NCALD: variants seen among roughly 807,000 people sequenced by gnomAD.
The protein encoded by NCALD is neurocalcin-delta.
Under a neutral mutation model 18.6 loss-of-function variants are expected in NCALD, and 10 were observed. That is an observed-to-expected ratio of 0.54 (90% CI 0.33 to 0.91). The LOEUF (loss-of-function observed/expected upper bound fraction) is 0.91. Ranked by LOEUF, NCALD falls within the 40% of genes least tolerant of loss-of-function variation. The probability of loss-of-function intolerance (pLI) is 0.03; values close to 1 mark genes in which losing one functional copy is unlikely to be tolerated. For missense variants in NCALD, 184 were observed against 247.6 expected, an observed-to-expected ratio of 0.74 and a Z score of 1.72; for synonymous variants, 88 against 87.4, an observed-to-expected ratio of 1.01 and a Z score of -0.04.
chr8:101,730,479 C>CAAAAAAAAAAAAA (rs869241027), intron 1 of NCALD, among the ~76,000 whole-genome samples: 3 of 43,668 alleles, frequency 6.9e-5, no homozygotes, highest in African/African-American at 1.7e-4. Context: ...GACTCCATCT[C>CAAAAAAAAAAAAA]AAAAAAAAAA....
At chr8:101,933,714 T>C (rs1309334449) in intron 2 of NCALD, among the ~76,000 whole-genome samples, 3 of 152,106 alleles carry the variant, frequency 2.0e-5, no homozygotes, top group Non-Finnish European at 4.4e-5. Flanking sequence ...TCCTCATCGA[T>C]CCTAAAGGAC....
At chr8:102,103,158 G>A (rs1272444001) in intron 1 of NCALD, among the ~76,000 whole-genome samples, 2 of 152,048 alleles carry the variant, frequency 1.3e-5, no homozygotes, top group Admixed American at 6.6e-5. Flanking sequence ...TCAGCTCCAC[G>A]CCAACCTCCC....
chr8:101,837,823 TTGTA>T (rs1814475515), intron 4 of NCALD, among the ~76,000 whole-genome samples: 1 of 152,124 alleles, frequency 6.6e-6, no homozygotes, highest in South Asian at 2.1e-4. Flanking sequence ...GATGAAAAGG[TTGTA>T]GGAATTTCAA....
chr8:101,737,425 T>A (rs1809972360), intron 1 of NCALD, among the ~76,000 whole-genome samples: 1 of 152,202 alleles, frequency 6.6e-6, no homozygotes, highest in African/African-American at 2.4e-5. Context: ...CCTGTTCAAG[T>A]CATGTCCTTT....
intron 2 of NCALD, among the ~76,000 whole-genome samples, chr8:101,969,110 C>T (rs1439555263): frequency 2.0e-5 from 3 of 152,154 alleles, no homozygotes; most frequent in Admixed American, 6.5e-5. Flanking sequence ...AGGGCTGAGC[C>T]GAGCACACCA....
At chr8:101,740,546 T>C (rs2130687841) in intron 1 of NCALD, among the ~76,000 whole-genome samples, 1 of 152,338 alleles carries the variant, frequency 6.6e-6, no homozygotes, top group Non-Finnish European at 1.5e-5. Flanking sequence ...TCAGAAAGGA[T>C]GTGTGTATAT....
chr8:102,007,894 G>C (rs1481855262), intron 2 of NCALD, among the ~76,000 whole-genome samples: 1 of 152,122 alleles, frequency 6.6e-6, no homozygotes, highest in East Asian at 1.9e-4. Context: ...AGTACACTTT[G>C]AGCTCCCTGA....
intron 2 of NCALD, among the ~76,000 whole-genome samples, chr8:101,921,790 A>G (rs965881458): frequency 6.6e-6 from 1 of 152,194 alleles, no homozygotes; most frequent in African/African-American, 2.4e-5. Context: ...GTACATTTTA[A>G]TAATATAGAT....
chr8:101,833,112 T>G (rs1179476014), intron 4 of NCALD, among the ~76,000 whole-genome samples: 1 of 152,208 alleles, frequency 6.6e-6, no homozygotes, highest in Non-Finnish European at 1.5e-5. Flanking sequence ...CAGCTTCCCC[T>G]TCTGGAAACT....
At chr8:101,784,354 G>GA (rs1812136470) in intron 1 of NCALD, among the ~76,000 whole-genome samples, 1 of 152,012 alleles carries the variant, frequency 6.6e-6, no homozygotes, top group African/African-American at 2.4e-5. Flanking sequence ...TAGCAAGAGA[G>GA]AAAAAAATTG....
At position 101,738,144 on chromosome 8, in the gene NCALD, G is replaced by A. The variant is rs919677908; in HGVS notation, c.-19-18496C>T. Reference sequence around the variant, plus strand: ...TCCAAAGTTTATCAGCAATGGTACCGGTATTGGTTTTCTCCTTATGTTTTG... The same window carrying A: ...TCCAAAGTTTATCAGCAATGGTACCAGTATTGGTTTTCTCCTTATGTTTTG... On this transcript the variant is annotated intron_variant, in intron 1 of 3. Coordinates refer to ENST00000220931, the MANE Select transcript of NCALD (RefSeq NM_032041.3). 5.3e-5 allele frequency among the ~76,000 whole-genome samples: 8 copies of A among 152,230 alleles called. No individual in the cohort carries two copies. The East Asian group carries it at 5.8e-4, about 11-fold the overall frequency.
chr8:101,737,278 G>A (rs1411391932), intron 1 of NCALD, among the ~76,000 whole-genome samples: 2 of 152,168 alleles, frequency 1.3e-5, no homozygotes, highest in Admixed American at 6.5e-5. Flanking sequence ...TGTAGAGACA[G>A]GGTCTATGTT....
At chr8:101,861,263 G>A (rs1007745658) in intron 4 of NCALD, among the ~76,000 whole-genome samples, 4 of 152,048 alleles carry the variant, frequency 2.6e-5, no homozygotes, top group African/African-American at 7.2e-5. Context: ...TTGGGTTGTC[G>A]GTGGAGCTGA....
chr8:102,088,552 G>A (rs981196391), intron 1 of NCALD, among the ~76,000 whole-genome samples: 9 of 141,466 alleles, frequency 6.4e-5, no homozygotes, highest in Non-Finnish European at 9.1e-5. Flanking sequence ...TCCTGTTTTC[G>A]GGGAAAAAAA....
In NCALD at chr8:101,732,186, G is replaced by A. The variant is rs563287651; in HGVS notation, c.-19-12538C>T. Among the ~76,000 whole-genome samples, 6 of 152,258 alleles carry A rather than the reference G, an allele frequency of 3.9e-5. No homozygotes were observed. In the East Asian group the frequency reaches 7.7e-4, roughly 20 times the overall value. On this transcript the variant is annotated intron_variant, in intron 1 of 3. Transcript: ENST00000220931. ...TGCAATAAATGTCCGCTTAACTAGG[G>A]TACTAAATATTATCTTACTTAAAAC...
At position 101,780,907 on chromosome 8, in the gene NCALD, G is replaced by C. The variant is rs548335368; in HGVS notation, c.-20+9955C>G. On this transcript the variant is annotated intron_variant, in intron 1 of 3. Transcript: ENST00000220931. The stretch of plus-strand genomic sequence containing the variant: ...CTAACAAAATACCCCTCCTGATGGG[G>C]ATGCTGATGGAACAGTTAATAAACT... Among the ~76,000 whole-genome samples the C allele has an allele frequency of 3.9e-5, 6 of 152,266 alleles. No individual in the cohort carries two copies. The South Asian group carries it at 1.2e-3, about 32-fold the overall frequency.
At chr8:101,891,898 T>A (rs920012258) in intron 3 of NCALD, among the ~76,000 whole-genome samples, 3 of 151,886 alleles carry the variant, frequency 2.0e-5, no homozygotes, top group African/African-American at 7.3e-5. Context: ...ACCACAGCAG[T>A]CTGAGATCAA....
rs528376701 is a variant in NCALD at position 101,738,560 on chromosome 8, A to C, written c.-19-18912T>G. On this transcript the variant is annotated intron_variant, in intron 1 of 3. Transcript: ENST00000220931. ...ACTCCATCTCAAAAAAACAAAAAAAAAAAAAAAAAAAAGAAGAAGAAGAAG... is the reference window on the plus strand; with the variant it reads ...ACTCCATCTCAAAAAAACAAAAAAACAAAAAAAAAAAAGAAGAAGAAGAAG... 5.3e-5 allele frequency among the ~76,000 whole-genome samples: 8 copies of C among 151,070 alleles called. No homozygotes were observed. In the East Asian group the frequency reaches 9.7e-4, roughly 18 times the overall value.
At chr8:101,897,053 A>G (rs1243277017) in intron 3 of NCALD, among the ~76,000 whole-genome samples, 2 of 71,904 alleles carry the variant, frequency 2.8e-5, no homozygotes, top group Non-Finnish European at 4.8e-5. Context: ...GCTGCTATAA[A>G]GACACATGCA....
Sources: gnomAD v4.1 joint callset for allele counts (sites outside exome capture counted in the v4.1 genomes callset) on GRCh38, gnomAD v4.1.1 for gene constraint, MANE v1.5 for transcripts, NCBI Gene and HGNC (gene_info 2026-07-23, HGNC 2026-07-21) for gene names.